SPOCK3: variants seen among roughly 807,000 people sequenced by gnomAD.
SPOCK3 encodes the protein testican-3.
Under a neutral mutation model 56.6 loss-of-function variants are expected in SPOCK3, and 30 were observed. The ratio of observed to expected loss-of-function variants is 0.53; its 90% CI spans 0.40 to 0.72. The LOEUF is 0.72. Among genes scored for constraint, SPOCK3 ranks in the 30% least tolerant of loss-of-function variants. SPOCK3 has a pLI of 0.00. For synonymous variants in SPOCK3, 196 were observed against 183.3 expected (o/e 1.07, Z -0.56); for missense variants, 527 against 530.0 (o/e 0.99, Z 0.06).
intron 2 of SPOCK3, among the ~76,000 whole-genome samples, chr4:167,067,667 G>T (rs1756291297): frequency 6.6e-6 from 1 of 151,580 alleles, no homozygotes; most frequent in South Asian, 2.1e-4. Context: ...TCATCCAATT[G>T]AAATACATAA....
intron 6 of SPOCK3, among the ~76,000 whole-genome samples, chr4:166,856,611 T>G (rs180713416): frequency 1.3e-5 from 2 of 151,966 alleles, no homozygotes; most frequent in Non-Finnish European, 2.9e-5. Flanking sequence ...CTGTCTTTAC[T>G]AAAACTACAA....
At chr4:166,909,018 A>C (rs1282297481) in intron 5 of SPOCK3, among the ~76,000 whole-genome samples, 8 of 152,258 alleles carry the variant, frequency 5.3e-5, no homozygotes, top group Middle Eastern at 3.4e-3. Context: ...TCTTTTAAAA[A>C]GAAAGATTAA....
intron 6 of SPOCK3, among the ~76,000 whole-genome samples, chr4:166,802,083 G>C (rs1382256224): frequency 6.6e-6 from 1 of 151,924 alleles, no homozygotes; most frequent in Non-Finnish European, 1.5e-5. Flanking sequence ...ATCCATCACT[G>C]TCTTGAGGTA....
chr4:167,087,164 C>T (rs1443888281), intron 2 of SPOCK3, among the ~76,000 whole-genome samples: 1 of 152,056 alleles, frequency 6.6e-6, no homozygotes, highest in African/African-American at 2.4e-5. Flanking sequence ...AAATTTTTTA[C>T]TCATTTAATA....
In SPOCK3 at chr4:166,733,651, A is replaced by G. The variant is rs1733954764; in HGVS notation, c.*1270T>C. On this transcript the variant is annotated 3_prime_UTR_variant, in exon 11 of 11. Transcript: ENST00000357545. ...AAACCATTGGTATGATATAGTTAAA[A>G]GTGATGGTGTGCCAAAATGTCTACA... The G allele has an allele frequency of 6.6e-6, 1 of 152,220 alleles. No homozygotes were observed. 9.4% of individuals were successfully genotyped at this position (152,220 alleles called of 1,614,324 possible). A position where few individuals can be genotyped will look rare whatever the true frequency, so the allele number is the denominator to read the frequency against.
intron 2 of SPOCK3, among the ~76,000 whole-genome samples, chr4:167,172,123 G>T (rs538055020): frequency 3.8e-4 from 58 of 152,292 alleles, no homozygotes; most frequent in Non-Finnish European, 7.8e-4. Context: ...GAATCTCTCA[G>T]CAGTGGGCAC....
At chr4:167,050,429 A>T (rs1437741613) in intron 3 of SPOCK3, among the ~76,000 whole-genome samples, 1 of 152,174 alleles carries the variant, frequency 6.6e-6, no homozygotes, top group African/African-American at 2.4e-5. Context: ...ATGAGGAAAA[A>T]TTGGAACCCT....
intron 5 of SPOCK3, among the ~76,000 whole-genome samples, chr4:166,901,127 T>A (rs1736002298): frequency 6.6e-6 from 1 of 152,110 alleles, no homozygotes; most frequent in Non-Finnish European, 1.5e-5. Flanking sequence ...GAACCTCCCA[T>A]GCAAATCACC....
chr4:166,791,909 G>T (rs966553059), intron 7 of SPOCK3, among the ~76,000 whole-genome samples: 1 of 152,086 alleles, frequency 6.6e-6, no homozygotes, highest in Non-Finnish European at 1.5e-5. Context: ...AAACACTGAA[G>T]AATATTCCCA....
intron 4 of SPOCK3, among the ~76,000 whole-genome samples, chr4:166,940,725 T>C (rs879691515): frequency 7.3e-5 from 11 of 149,698 alleles, no homozygotes; most frequent in Non-Finnish European, 1.3e-4. Flanking sequence ...GATCAGCACT[T>C]GGGAGACTTC....
intron 5 of SPOCK3, among the ~76,000 whole-genome samples, chr4:166,898,769 A>T (rs1390026126): frequency 1.3e-5 from 2 of 152,180 alleles, no homozygotes; most frequent in African/African-American, 4.8e-5. Context: ...ATCGTTTGCC[A>T]AAAATAGGTG....
At chr4:166,862,729 T>C (rs1731372197) in intron 6 of SPOCK3, among the ~76,000 whole-genome samples, 2 of 152,084 alleles carry the variant, frequency 1.3e-5, no homozygotes. Context: ...AAATGAAGAT[T>C]GAACTAAATC....
At chr4:167,222,160 G>C (rs1483761908) in intron 2 of SPOCK3, among the ~76,000 whole-genome samples, 1 of 152,008 alleles carries the variant, frequency 6.6e-6, no homozygotes, top group African/African-American at 2.4e-5. Context: ...GCCACAACAT[G>C]GATGAAACTT....
At chr4:166,964,926 A>G (rs56062210) in intron 4 of SPOCK3, among the ~76,000 whole-genome samples, 4,023 of 152,002 alleles carry the variant, frequency 0.026, 164 homozygotes, top group African/African-American at 0.091. Flanking sequence ...AGGAATGTGA[A>G]CAACTGTAAA....
intron 7 of SPOCK3, among the ~76,000 whole-genome samples, chr4:166,782,859 A>C (rs1262420673): frequency 6.6e-6 from 1 of 152,098 alleles, no homozygotes; most frequent in Non-Finnish European, 1.5e-5. Flanking sequence ...TTTTGTGAGA[A>C]AGACTTTCTT....
chr4:166,951,679 C>T (rs1321815139), intron 4 of SPOCK3, among the ~76,000 whole-genome samples: 1 of 140,470 alleles, frequency 7.1e-6, no homozygotes, highest in Non-Finnish European at 1.5e-5. Flanking sequence ...TGCAAAAATC[C>T]TCAATAAAAT....
At chr4:166,744,581 C>T (rs1371266319) in intron 8 of SPOCK3, among the ~76,000 whole-genome samples, 1 of 152,112 alleles carries the variant, frequency 6.6e-6, no homozygotes, top group Non-Finnish European at 1.5e-5. Context: ...CTATTCTCCT[C>T]CAAAGGAACG....
chr4:166,894,092 T>C (rs1170862844), intron 5 of SPOCK3, among the ~76,000 whole-genome samples: 1 of 152,130 alleles, frequency 6.6e-6, no homozygotes, highest in Non-Finnish European at 1.5e-5. Context: ...TTAAAAACCC[T>C]CTGCACCACA....
chr4:167,093,979 T>C (rs986302671), intron 2 of SPOCK3, among the ~76,000 whole-genome samples: 2 of 152,144 alleles, frequency 1.3e-5, no homozygotes, highest in Non-Finnish European at 2.9e-5. Context: ...ACAGAGTAAA[T>C]AGACTAAGAA....
Sources: gnomAD v4.1 joint callset for allele counts (sites outside exome capture counted in the v4.1 genomes callset) on GRCh38, gnomAD v4.1.1 for gene constraint, MANE v1.5 for transcripts, NCBI Gene and HGNC (gene_info 2026-07-23, HGNC 2026-07-21) for gene names.